COL5A3: variants seen among roughly 807,000 people sequenced by gnomAD.
The protein encoded by COL5A3 is collagen type V alpha 3 chain, also known as collagen alpha-3(V) chain.
A neutral mutation model predicts 250.0 loss-of-function variants in COL5A3; 172 were observed. The observed-to-expected ratio is 0.69, with a 90% CI of 0.61 to 0.78. The LOEUF (loss-of-function observed/expected upper bound fraction) is 0.78. Ranked by LOEUF, COL5A3 falls within the 30% of genes least tolerant of loss-of-function variation. The pLI is 0.00. For missense variants in COL5A3, 2,340 were observed against 2,334.4 expected (o/e 1.00, Z -0.05); for synonymous variants, 937 against 900.4 (o/e 1.04, Z -0.73).
chr19:10,010,367 G>T lies in COL5A3; in HGVS notation c.19C>A (p.Leu7Met). Residue 7 changes from leucine (L) to methionine (M), a missense_variant, in exon 1 of 67, where the codon CTG (leucine) becomes ATG (methionine). Physicochemically the swap from Leu to Met is conservative, Grantham distance 15. Coordinates refer to ENST00000264828, the MANE Select transcript of COL5A3 (RefSeq NM_015719.4). MGNRRD[L>M]GQPRAGLCLL... ...CAGAGACCGGCCCGCGGCTGGCCCAGGTCCCGGCGGTTCCCCATCCCGGCG... is the reference window on the plus strand; with the variant it reads ...CAGAGACCGGCCCGCGGCTGGCCCATGTCCCGGCGGTTCCCCATCCCGGCG... 6.9e-7 allele frequency: 1 copy of T among 1,455,774 alleles called. No homozygotes were observed. Among genetic ancestry groups the T allele is most frequent in the Non-Finnish European group, 9.1e-7 (1 of 1,099,392 alleles). 90.2% of individuals were successfully genotyped at this position (1,455,774 alleles called of 1,614,324 possible).
chr19:9,971,330 C>A, intron 51 of COL5A3, 72 bp from the exon 52 acceptor site: 1 of 1,193,788 alleles, frequency 8.4e-7, no homozygotes, highest in Admixed American at 3.0e-5. Flanking sequence ...AACAGATCAA[C>A]TGTATCCAGG....
intron 42 of COL5A3, 36 bp downstream of exon 42, chr19:9,977,558 A>G: frequency 6.5e-7 from 1 of 1,532,946 alleles, no homozygotes; most frequent in Non-Finnish European, 8.8e-7. Context: ...CCAGACCCTG[A>G]GGAGGCCCTA....
chr19:10,001,824 T>G lies in COL5A3; in HGVS notation c.907A>C (p.Thr303Pro), dbSNP rs2087367845. 6.2e-7 allele frequency: 1 copy of G among 1,613,686 alleles called. No homozygotes were observed. Among genetic ancestry groups the G allele is most frequent in the Non-Finnish European group, 8.5e-7 (1 of 1,179,938 alleles). Residue 303 changes from threonine to proline, a missense_variant, in exon 7 of 67, where the codon ACG becomes CCG. Coordinates refer to ENST00000264828, the MANE Select transcript of COL5A3 (RefSeq NM_015719.4). ...ACAGTGGAGGTGACGACCAAAGGCG[T>G]GGGGGTCGGAGGCAGATTTGGAGCT... ...TPAPNLPPTP[T>P]PLVVTSTVTT... is the part of the protein sequence containing the mutation.
chr19:9,968,206 A>G lies in COL5A3; in HGVS notation c.4315-127T>C, dbSNP rs933571112. 43 of 1,066,522 alleles carry G rather than the reference A, an allele frequency of 4.0e-5. No individual in the cohort carries two copies. The South Asian group carries it at 5.6e-4, about 14-fold the overall frequency. 66.1% of individuals were successfully genotyped at this position (1,066,522 alleles called of 1,614,324 possible). On this transcript the variant is annotated intron_variant, in intron 59 of 66. Transcript: ENST00000264828. This position sits in a 1 kb window ranked among gnomAD's most constrained non-coding sequence, Gnocchi z 4.1. ...CTAGACAAGCCTCCAGTTCCCCCACAGAGAGACCCCAAACCCCAGACGCAG... is the reference window on the plus strand; with the variant it reads ...CTAGACAAGCCTCCAGTTCCCCCACGGAGAGACCCCAAACCCCAGACGCAG...
chr19:9,989,025 A>G (rs1661871936), intron 27 of COL5A3, 99 bp downstream of exon 27: 2 of 1,283,946 alleles, frequency 1.6e-6, no homozygotes, highest in African/African-American at 2.9e-5. Context: ...TGGCCAACTG[A>G]TTCCCCTCTC....
chr19:9,966,733 T>C lies in COL5A3; in HGVS notation c.4472A>G (p.Glu1491Gly), dbSNP rs2086753362. The C allele has an allele frequency of 3.3e-6, 5 of 1,533,926 alleles. No individual in the cohort carries two copies. The highest frequency in any genetic ancestry group is 1.9e-4 in the Middle Eastern group (1 of 5,366). Residue 1491 changes from glutamate (E) to glycine (G), a missense_variant, in exon 63 of 67, where the codon GAG becomes GGG. Transcript: ENST00000264828. ...GPPGPPGAPA[E>G]LHGLRRRRRF... ...CCGGCGCCTGCGCAGCCCATGCAGC[T>C]CGGCAGGGGCACCCTGGGCGTAGGG...
At chr19:9,974,120 A>G (rs755604955) in intron 47 of COL5A3, 51 bp downstream of exon 47, 2 of 1,582,748 alleles carry the variant, frequency 1.3e-6, no homozygotes, top group South Asian at 2.3e-5. Flanking sequence ...CCTGCCGCCA[A>G]CCTATAACCC....
At position 9,966,631 on chromosome 19, in the gene COL5A3, A is replaced by T; in HGVS notation, c.4574T>A (p.Leu1525Ter). Residue 1525 changes from leucine to a stop codon, truncating the protein, a stop_gained, in exon 63 of 67, where the codon TTG becomes TAG. Coordinates refer to ENST00000264828, the MANE Select transcript of COL5A3 (RefSeq NM_015719.4). LOFTEE classifies it high-confidence loss of function. ...EVLASLTSLS[L>*]ELEQLRRPPG... is the part of the protein sequence containing the mutation. ...AGGACGCCGCAGCTGCTCCAGCTCC[A>T]AGCTCAGCGATGTGAGCGAGGCCAG... The T allele has an allele frequency of 6.5e-7, 1 of 1,538,672 alleles. No homozygotes were observed. The highest frequency in any genetic ancestry group is 8.7e-7 in the Non-Finnish European group (1 of 1,147,030).
In COL5A3 at chr19:9,981,206, C is replaced by A. The variant is rs915783105; in HGVS notation, c.2461-74G>T. 14 of 1,372,644 alleles carry A rather than the reference C, an allele frequency of 1.0e-5. No homozygotes were observed. The Admixed American group carries it at 1.8e-4, about 18-fold the overall frequency. The allele number at this position is 1,372,644 out of a possible 1,614,324, so 85.0% of individuals were successfully genotyped here. A position where few individuals can be genotyped will look rare whatever the true frequency, so the allele number is the denominator to read the frequency against. ...GGTATGACGCAAACACAAAAAGACA[C>A]CCAGTCACAGACCCAGAAAGCTGTC... is the stretch of plus-strand genomic sequence containing the variant. On this transcript the variant is annotated intron_variant, in intron 32 of 66. Coordinates refer to ENST00000264828, the MANE Select transcript of COL5A3 (RefSeq NM_015719.4).
chr19:9,986,597 C>T lies in COL5A3; in HGVS notation c.2200G>A (p.Gly734Ser), dbSNP rs556243775. 1.5e-5 allele frequency: 25 copies of T among 1,613,802 alleles called. No homozygotes were observed. The highest frequency in any genetic ancestry group is 2.7e-5 in the African/African-American group (2 of 74,828). Reference sequence around the variant, plus strand: ...ACATCGCCCTTGAAGCCTGGGAAGCCGTCCTCTCCCTGGGTGGGAGAGACA... The same window carrying T: ...ACATCGCCCTTGAAGCCTGGGAAGCTGTCCTCTCCCTGGGTGGGAGAGACA... ...QGEKGEKGED[G>S]FPGFKGDVGL... is the part of the protein sequence containing the mutation. The change falls in exon 29 of 67, where the codon GGC becomes AGC. Residue 734 changes from glycine to serine, a missense_variant. Physicochemically the swap from Gly to Ser is moderately conservative, Grantham distance 56 (BLOSUM62 0). Around this residue, in one of 3 missense-constraint regions of COL5A3, gnomAD observed 1,152 missense variants for 1,146.3 expected, o/e 1.00. Transcript: ENST00000264828.
chr19:9,972,297 CCATT>C (rs993238309), intron 51 of COL5A3, among the ~76,000 whole-genome samples: 1 of 151,966 alleles, frequency 6.6e-6, no homozygotes, highest in Non-Finnish European at 1.5e-5. Context: ...CCTCGTTCAT[CCATT>C]CATTCACTCG....
intron 15 of COL5A3, 141 bp from the exon 16 acceptor site, chr19:9,995,758 A>G (rs1165335536): frequency 1.6e-6 from 1 of 616,540 alleles, no homozygotes; most frequent in South Asian, 2.6e-5. Context: ...CTCCCTCCTC[A>G]GCCTCCCAAG....
At position 10,009,162 on chromosome 19, in the gene COL5A3, G is replaced by GT. The variant is rs143044345; in HGVS notation, c.88+1135dup. On this transcript the variant is annotated intron_variant, in intron 1 of 66. Coordinates refer to ENST00000264828, the MANE Select transcript of COL5A3 (RefSeq NM_015719.4). This position sits in a 1 kb window ranked among gnomAD's most constrained non-coding sequence, Gnocchi z 4.4. ...ACTCCAAAGTAAGAAGTGTGCTGTG[G>GT]TGTGTGTGTGTGTGTGTGTGTGTGT... Among the ~76,000 whole-genome samples the GT allele has an allele frequency of 0.11, 1,249 of 11,310 alleles. 8 individuals carry two copies. Among genetic ancestry groups the GT allele is most frequent in the Non-Finnish European group, 0.28 (798 of 2,884 alleles). The allele number at this position is 11,310 out of a possible 152,430, so 7.4% of individuals were successfully genotyped here.
Position 9,970,760 on chromosome 19 carries a change from C to A in COL5A3, c.3883-85G>T, listed in dbSNP as rs1599534618. 12 of 1,199,082 alleles carry A rather than the reference C, an allele frequency of 1.0e-5. No homozygotes were observed. In the East Asian group the frequency reaches 3.1e-4, roughly 31 times the overall value. The allele number at this position is 1,199,082 out of a possible 1,614,324, so 74.3% of individuals were successfully genotyped here. On this transcript the variant is annotated intron_variant, in intron 53 of 66. Coordinates refer to ENST00000264828, the MANE Select transcript of COL5A3 (RefSeq NM_015719.4). ...TTAGGACGCCTTGGACCAGAGGACACCCTTCCCCAAGCCTCACCCCAGCAC... is the reference window on the plus strand; with the variant it reads ...TTAGGACGCCTTGGACCAGAGGACAACCTTCCCCAAGCCTCACCCCAGCAC...
At chr19:9,964,088 G>T (rs2086707105) in intron 64 of COL5A3, among the ~76,000 whole-genome samples, 1 of 152,142 alleles carries the variant, frequency 6.6e-6, no homozygotes, top group Non-Finnish European at 1.5e-5. Flanking sequence ...CAGGAGAATT[G>T]CTTGAACTGG....
At chr19:9,975,962 T>C (rs1329893507) in intron 45 of COL5A3, among the ~76,000 whole-genome samples, 2 of 151,412 alleles carry the variant, frequency 1.3e-5, no homozygotes, top group African/African-American at 4.9e-5. Context: ...GAAGACACGG[T>C]TGGGTCGGGA....
intron 52 of COL5A3, 26 bp downstream of exon 52, chr19:9,971,179 A>G (rs780987274): frequency 3.9e-6 from 6 of 1,536,264 alleles, no homozygotes; most frequent in Non-Finnish European, 5.2e-6. Context: ...GAAATATGCC[A>G]GGATTGGGGA....
At chr19:9,997,526 C>T in intron 10 of COL5A3, 93 bp from the exon 11 acceptor site, 3 of 757,038 alleles carry the variant, frequency 4.0e-6, no homozygotes, top group Non-Finnish European at 6.5e-6. Context: ...TCAGGCTGAC[C>T]TCCCTACCCC....
At chr19:9,996,561 C>T (rs765794137) in intron 12 of COL5A3, 45 bp from the exon 13 acceptor site, 2 of 1,613,392 alleles carry the variant, frequency 1.2e-6, no homozygotes, top group East Asian at 2.2e-5. Flanking sequence ...GAGAGGCCCC[C>T]TCCTGGATCA....
Sources: gnomAD v4.1 joint callset for allele counts (sites outside exome capture counted in the v4.1 genomes callset) on GRCh38, gnomAD v4.1.1 for gene constraint, gnomAD v4.1.1 regional missense constraint, Gnocchi (gnomAD v3.1) non-coding constraint, MANE v1.5 for transcripts, NCBI Gene and HGNC (gene_info 2026-07-23, HGNC 2026-07-21) for gene names.